The following KATNIP variants were observed in gnomAD, a reference collection of about 807,000 sequenced individuals.
The protein encoded by KATNIP is katanin-interacting protein.
A neutral mutation model predicts 174.0 loss-of-function variants in KATNIP; 126 were observed. That is an observed-to-expected ratio of 0.72 (90% CI 0.63 to 0.84). The LOEUF (loss-of-function observed/expected upper bound fraction) is 0.84. Ranked by LOEUF, KATNIP falls within the 40% of genes least tolerant of loss-of-function variation. KATNIP has a pLI of 0.00. For missense variants in KATNIP, 1,958 were observed against 2,109.7 expected (o/e 0.93, Z 1.41); for synonymous variants, 810 against 835.7 (o/e 0.97, Z 0.53).
intron 1 of KATNIP, among the ~76,000 whole-genome samples, chr16:27,555,894 C>T (rs373750147): frequency 6.6e-6 from 1 of 151,374 alleles, no homozygotes; most frequent in South Asian, 2.1e-4. Context: ...CTTTGGGAGG[C>T]TGAGATGGGT....
intron 19 of KATNIP, among the ~76,000 whole-genome samples, chr16:27,762,347 C>T (rs1226868247): frequency 6.6e-6 from 1 of 152,180 alleles, no homozygotes; most frequent in African/African-American, 2.4e-5. Flanking sequence ...AGTTTTTGAG[C>T]ACTTATTAAA....
In KATNIP at chr16:27,594,228, C is replaced by T. The variant is rs138185534; in HGVS notation, c.63+20272C>T. Reference sequence around the variant, plus strand: ...TGAGGTGTGTTCATGCCATTGCACTCCAGCCTGGGTGACAGAGTGAGGCCC... The same window carrying T: ...TGAGGTGTGTTCATGCCATTGCACTTCAGCCTGGGTGACAGAGTGAGGCCC... On this transcript the variant is annotated intron_variant, in intron 2 of 27. Transcript: ENST00000261588. Among the ~76,000 whole-genome samples the T allele has an allele frequency of 1.1e-4, 16 of 152,010 alleles. 2 individuals carry two copies. The highest frequency in any genetic ancestry group is 9.2e-4 in the Admixed American group (14 of 15,256).
chr16:27,595,248 G>A (rs776066318), intron 2 of KATNIP, among the ~76,000 whole-genome samples: 27 of 152,162 alleles, frequency 1.8e-4, no homozygotes, highest in Admixed American at 1.5e-3. Flanking sequence ...TTAGCTGGAT[G>A]TAGTGGCACA....
intron 3 of KATNIP, among the ~76,000 whole-genome samples, chr16:27,622,432 A>C (rs1469263467): frequency 6.6e-6 from 1 of 152,170 alleles, no homozygotes; most frequent in African/African-American, 2.4e-5. Flanking sequence ...ACCTCATGAA[A>C]GAGGTAATCA....
chr16:27,609,603 G>C (rs2075825885), intron 2 of KATNIP, among the ~76,000 whole-genome samples: 1 of 151,162 alleles, frequency 6.6e-6, no homozygotes, highest in South Asian at 2.1e-4. Flanking sequence ...TGTTAGCCAG[G>C]GTGGTCTCGA....
chr16:27,582,167 G>A (rs2090724576), intron 2 of KATNIP, among the ~76,000 whole-genome samples: 1 of 151,990 alleles, frequency 6.6e-6, no homozygotes, highest in Non-Finnish European at 1.5e-5. Context: ...CGCGCAAACT[G>A]CAGATACTTC....
chr16:27,768,745 T>C (rs2082202888), intron 20 of KATNIP, among the ~76,000 whole-genome samples: 1 of 152,162 alleles, frequency 6.6e-6, no homozygotes, highest in Admixed American at 6.5e-5. Context: ...CAGGTTTACT[T>C]GTCCTGTAAC....
At chr16:27,636,819 A>G (rs991773091) in intron 5 of KATNIP, among the ~76,000 whole-genome samples, 5 of 152,200 alleles carry the variant, frequency 3.3e-5, no homozygotes, top group Admixed American at 3.3e-4. Context: ...TTCATCATCA[A>G]TGAAACCTCC....
chr16:27,584,657 G>A (rs570926900), intron 2 of KATNIP, among the ~76,000 whole-genome samples: 1 of 152,230 alleles, frequency 6.6e-6, no homozygotes, highest in East Asian at 1.9e-4. Flanking sequence ...TGTGTGTGTT[G>A]GTGGGTGCCT....
intron 5 of KATNIP, among the ~76,000 whole-genome samples, chr16:27,643,882 A>G (rs1333631724): frequency 1.3e-5 from 2 of 152,022 alleles, no homozygotes; most frequent in Non-Finnish European, 2.9e-5. Context: ...AGGGAAATGC[A>G]TGCCCTAATT....
chr16:27,658,915 A>G (rs1319555720), intron 6 of KATNIP, among the ~76,000 whole-genome samples: 1 of 151,350 alleles, frequency 6.6e-6, no homozygotes, highest in Non-Finnish European at 1.5e-5. Flanking sequence ...GATGTGTGCT[A>G]GCATGCCCAG....
chr16:27,571,385 T>C (rs534672801), intron 1 of KATNIP, among the ~76,000 whole-genome samples: 107 of 152,214 alleles, frequency 7.0e-4, no homozygotes, highest in Admixed American at 2.4e-3. Flanking sequence ...CTGTTCTTTA[T>C]TAGTATAACA....
intron 19 of KATNIP, among the ~76,000 whole-genome samples, chr16:27,764,534 T>C (rs1251212097): frequency 6.6e-6 from 1 of 152,248 alleles, no homozygotes; most frequent in Non-Finnish European, 1.5e-5. Flanking sequence ...AAGCCCTGGT[T>C]CCTTTTAGTG....
intron 18 of KATNIP, 55 bp from the exon 19 acceptor site, chr16:27,761,358 A>T: frequency 6.6e-7 from 1 of 1,508,640 alleles, no homozygotes; most frequent in Non-Finnish European, 9.0e-7. Context: ...TCTTCATTTT[A>T]GATGCCTCCT....
At chr16:27,658,635 C>A (rs530109801) in intron 6 of KATNIP, among the ~76,000 whole-genome samples, 14 of 152,212 alleles carry the variant, frequency 9.2e-5, no homozygotes, top group African/African-American at 3.4e-4. Context: ...CTCTTTGGAA[C>A]CATATTCTGC....
intron 2 of KATNIP, among the ~76,000 whole-genome samples, chr16:27,576,645 C>G (rs916363144): frequency 2.0e-5 from 3 of 151,530 alleles, no homozygotes; most frequent in Non-Finnish European, 4.4e-5. Context: ...AAAAAACAAA[C>G]AAAACAAAAC....
intron 2 of KATNIP, among the ~76,000 whole-genome samples, chr16:27,578,164 T>C (rs1454346486): frequency 6.6e-6 from 1 of 152,036 alleles, no homozygotes. Flanking sequence ...ATGGATTAAG[T>C]AGACTCTGGC....
chr16:27,669,745 C>G (rs2077825130), intron 6 of KATNIP, among the ~76,000 whole-genome samples: 1 of 152,152 alleles, frequency 6.6e-6, no homozygotes, highest in African/African-American at 2.4e-5. Flanking sequence ...CCAGTGTGAG[C>G]AAATGCATTT....
intron 6 of KATNIP, among the ~76,000 whole-genome samples, chr16:27,674,362 AGT>A (rs1216601351): frequency 1.3e-5 from 2 of 152,254 alleles, no homozygotes; most frequent in Non-Finnish European, 2.9e-5. Flanking sequence ...TAAAACTTAA[AGT>A]ATAATAATAA....
Sources: allele counts gnomAD v4.1 joint callset (sites outside exome capture counted in the v4.1 genomes callset), GRCh38; gene constraint gnomAD v4.1.1; transcripts MANE v1.5; gene names NCBI Gene and HGNC (gene_info 2026-07-23, HGNC 2026-07-21).